Variants in PCCA observed in about 807,000 individuals in gnomAD.
PCCA encodes the protein propionyl-CoA carboxylase alpha chain, mitochondrial.
A neutral mutation model predicts 101.3 loss-of-function variants in PCCA; 74 were observed. The ratio of observed to expected loss-of-function variants is 0.73; its 90% confidence interval spans 0.61 to 0.89. The LOEUF is 0.89. Ranked by LOEUF, PCCA falls within the 40% of genes least tolerant of loss-of-function variation. The pLI, the probability that PCCA is intolerant of heterozygous loss-of-function variation, is 0.00. For synonymous variants in PCCA, 294 were observed against 313.6 expected (o/e 0.94, Z 0.66); for missense variants, 891 against 907.0 (o/e 0.98, Z 0.23).
rs527500776 is a variant in PCCA at position 100,512,103 on chromosome 13, ACT to A, written c.1900-3320_1900-3319del. On this transcript the variant is annotated intron_variant, in intron 21 of 23. Transcript: ENST00000376285. ...GCCGCCGCCTCCTGCTGCAGCAACC[ACT>A]CTCAGCCCCCAGGCTTTCAATAGGT... Among the ~76,000 whole-genome samples, 1,020 of 152,200 alleles carry A rather than the reference ACT, an allele frequency of 6.7e-3. 4 individuals carry two copies. The highest frequency in any genetic ancestry group is 0.012 in the Non-Finnish European group (834 of 67,986).
At chr13:100,145,618 C>T (rs1026353745) in intron 4 of PCCA, among the ~76,000 whole-genome samples, 3 of 152,084 alleles carry the variant, frequency 2.0e-5, no homozygotes, top group Non-Finnish European at 4.4e-5. Context: ...AATCCCAGCA[C>T]TTTGGAAGGC....
chr13:100,186,425 G>A (rs1324066929), intron 6 of PCCA, among the ~76,000 whole-genome samples: 1 of 152,066 alleles, frequency 6.6e-6, no homozygotes, highest in Non-Finnish European at 1.5e-5. Context: ...GCTAATGGAT[G>A]GGGAATGTAT....
In PCCA at chr13:100,169,418, G is replaced by T. The variant is rs2055390060; in HGVS notation, c.468+12078G>T. 2.2e-5 allele frequency among the ~76,000 whole-genome samples: 3 copies of T among 139,398 alleles called. No individual in the cohort carries two copies. The South Asian group carries it at 8.0e-4, about 37-fold the overall frequency. 91.5% of individuals were successfully genotyped at this position (139,398 alleles called of 152,430 possible). On this transcript the variant is annotated intron_variant, in intron 6 of 23. Coordinates refer to ENST00000376285, the MANE Select transcript of PCCA (RefSeq NM_000282.4). ...ATCGTGCCACTACACTCCAGCCTGG[G>T]CGACAGAGCGAGACTGTCTCAAAAA...
intron 22 of PCCA, among the ~76,000 whole-genome samples, chr13:100,521,831 C>G (rs1372529627): frequency 6.6e-6 from 1 of 152,228 alleles, no homozygotes; most frequent in African/African-American, 2.4e-5. Context: ...TGATATTGAT[C>G]CGTGTTTTTC....
intron 21 of PCCA, chr13:100,481,092 A>G (rs565007518): frequency 6.6e-6 from 1 of 152,120 alleles, no homozygotes; most frequent in Non-Finnish European, 1.5e-5. Flanking sequence ...CTTTTTCACA[A>G]TTTCATGGAT....
chr13:100,452,379 C>T (rs1045085313), intron 21 of PCCA, among the ~76,000 whole-genome samples: 2 of 152,098 alleles, frequency 1.3e-5, no homozygotes, highest in African/African-American at 4.8e-5. Flanking sequence ...TAGTCCATCA[C>T]TAATAGAGCA....
At chr13:100,326,522 C>A (rs2068702272) in intron 16 of PCCA, among the ~76,000 whole-genome samples, 1 of 152,134 alleles carries the variant, frequency 6.6e-6, no homozygotes, top group South Asian at 2.1e-4. Flanking sequence ...CATATAGAAA[C>A]ATTTTTAGAG....
rs1052492057 is a variant in PCCA, at chr13:100,457,100, G to A, written c.1899+7795G>A. Among the ~76,000 whole-genome samples the A allele has an allele frequency of 4.6e-5, 7 of 152,052 alleles. 1 individual carries two copies. In the South Asian group the frequency reaches 6.2e-4, roughly 14 times the overall value. On this transcript the variant is annotated intron_variant, in intron 21 of 23. Transcript: ENST00000376285. ...CCCTTCAGCACCTGACCCTATGCCC[G>A]CCGGTTATTCCTAGGTTATATTAGT...
At chr13:100,449,058 G>T (rs1214757318) in intron 20 of PCCA, among the ~76,000 whole-genome samples, 194 bp from the exon 21 acceptor site, 1 of 152,204 alleles carries the variant, frequency 6.6e-6, no homozygotes, top group East Asian at 1.9e-4. Flanking sequence ...GATCCTTGGT[G>T]ACCAACTTCT....
At chr13:100,405,420 A>G (rs191659090) in intron 19 of PCCA, among the ~76,000 whole-genome samples, 3 of 152,366 alleles carry the variant, frequency 2.0e-5, no homozygotes, top group Admixed American at 2.0e-4. Context: ...TAGTGAGTTT[A>G]GAATTTAATG....
intron 12 of PCCA, among the ~76,000 whole-genome samples, chr13:100,276,308 G>A (rs796799163): frequency 1.5e-4 from 23 of 148,852 alleles, no homozygotes; most frequent in African/African-American, 4.4e-4. Context: ...CACTGTTTCT[G>A]GTGAGACTTC....
rs188422697 is a variant in PCCA at position 100,321,394 on chromosome 13, C to T, written c.1430-9167C>T. Among the ~76,000 whole-genome samples, 532 of 152,126 alleles carry T rather than the reference C, an allele frequency of 3.5e-3. 4 individuals are homozygous for T. The highest frequency in any genetic ancestry group is 0.011 in the African/African-American group (445 of 41,494). On this transcript the variant is annotated intron_variant, in intron 16 of 23. Coordinates refer to ENST00000376285, the MANE Select transcript of PCCA (RefSeq NM_000282.4). ...TTCACTTTCATCTAAACAAAAGCAACGCCACATTTTTTCAATGATTTCTTA... is the reference window on the plus strand; with the variant it reads ...TTCACTTTCATCTAAACAAAAGCAATGCCACATTTTTTCAATGATTTCTTA...
intron 4 of PCCA, among the ~76,000 whole-genome samples, chr13:100,145,375 G>A (rs939085203): frequency 1.3e-5 from 2 of 152,154 alleles, no homozygotes; most frequent in Admixed American, 6.5e-5. Context: ...TCAGGCCCCA[G>A]TAGTGACAGC....
chr13:100,283,676 A>G (rs1029826766), intron 12 of PCCA, among the ~76,000 whole-genome samples: 2 of 152,232 alleles, frequency 1.3e-5, no homozygotes, highest in Non-Finnish European at 2.9e-5. Context: ...AATAGGGACC[A>G]AGAGGAACAG....
intron 5 of PCCA, among the ~76,000 whole-genome samples, chr13:100,155,792 G>A (rs1321978589): frequency 2.0e-5 from 3 of 152,100 alleles, no homozygotes; most frequent in African/African-American, 7.2e-5. Context: ...AGCCTGGAGC[G>A]CTTCAATTAG....
At chr13:100,402,397 T>A (rs1054863874) in intron 19 of PCCA, among the ~76,000 whole-genome samples, 1 of 152,100 alleles carries the variant, frequency 6.6e-6, no homozygotes, top group African/African-American at 2.4e-5. Flanking sequence ...TAAAACATAG[T>A]TTTTTAGCAA....
chr13:100,348,934 C>CTTTTCTTTTCTTTTCTTTTCTTTTCT (rs112432655), intron 18 of PCCA, among the ~76,000 whole-genome samples: 8 of 56,640 alleles, frequency 1.4e-4, no homozygotes, highest in South Asian at 7.3e-4. Context: ...CTTTTCTTTT[C>CTTTTCTTTTCTTTTCTTTTCTTTTCT]TTTCTTTTCT....
chr13:100,348,925 TTTTCTTTTC>T (rs201014615), intron 18 of PCCA, among the ~76,000 whole-genome samples: 8,769 of 112,236 alleles, frequency 0.078, 975 homozygotes, highest in African/African-American at 0.15. Flanking sequence ...TTTTCTTTTC[TTTTCTTTTC>T]TTTCTTTTCT....
At chr13:100,458,423 GCACA>G (rs143067653) in intron 21 of PCCA, among the ~76,000 whole-genome samples, 26 of 89,676 alleles carry the variant, frequency 2.9e-4, no homozygotes, top group African/African-American at 6.3e-4. Flanking sequence ...ATCTCTGCGC[GCACA>G]CACACACACA....
Sources: gnomAD v4.1 joint callset for allele counts (sites outside exome capture counted in the v4.1 genomes callset) on GRCh38, gnomAD v4.1.1 for gene constraint, MANE v1.5 for transcripts, NCBI Gene and HGNC (gene_info 2026-07-23, HGNC 2026-07-21) for gene names.